CD300E: variants seen among roughly 807,000 people sequenced by gnomAD.
The protein encoded by CD300E is CMRF35-like molecule 2.
In CD300E, 14 loss-of-function variants were observed where a neutral mutation model predicts 20.9. The ratio of observed to expected loss-of-function variants is 0.67; its 90% confidence interval spans 0.44 to 1.05. The LOEUF (loss-of-function observed/expected upper bound fraction) is 1.05, where lower values mean the gene tolerates loss of function less well. Among genes scored for constraint, CD300E ranks in the 50% least tolerant of loss-of-function variants. CD300E has a pLI of 0.00. For synonymous variants in CD300E, 102 were observed against 103.7 expected, an observed-to-expected ratio of 0.98 and a Z score of 0.10; for missense variants, 237 against 253.9, an observed-to-expected ratio of 0.93 and a Z score of 0.45.
chr17:74,617,881 T>A (rs1377201444), intron 1 of CD300E, among the ~76,000 whole-genome samples: 3 of 152,240 alleles, frequency 2.0e-5, no homozygotes, highest in Non-Finnish European at 4.4e-5. Context: ...TGCGGTTTCC[T>A]CCACTTTCAG....
chr17:74,614,408 G>A (rs1665863), intron 2 of CD300E, among the ~76,000 whole-genome samples: 1 of 152,020 alleles, frequency 6.6e-6, no homozygotes, highest in South Asian at 2.1e-4. Flanking sequence ...AGATGGCTCA[G>A]CCTGTGGCCC....
chr17:74,620,568 G>T (rs2030998895), intron 1 of CD300E, among the ~76,000 whole-genome samples: 1 of 152,134 alleles, frequency 6.6e-6, no homozygotes, highest in Non-Finnish European at 1.5e-5. Flanking sequence ...ACTTGAACCT[G>T]GGAGGCAGAG....
At chr17:74,616,374 G>C (rs1045373745) in intron 2 of CD300E, among the ~76,000 whole-genome samples, 2 of 152,194 alleles carry the variant, frequency 1.3e-5, no homozygotes, top group African/African-American at 4.8e-5. Context: ...TCTGAAGAGA[G>C]TAGAAAATAA....
At chr17:74,617,873 C>T (rs1389502829) in intron 1 of CD300E, among the ~76,000 whole-genome samples, 3 of 152,212 alleles carry the variant, frequency 2.0e-5, no homozygotes, top group African/African-American at 7.2e-5. Flanking sequence ...GCACAACTTG[C>T]GGTTTCCTCC....
rs1339934746 is a variant in CD300E at position 74,612,224 on chromosome 17, GCTCTCTCTCTCTCTCTCTCTCTGT to G, written c.*405_*428del. 1.1e-5 allele frequency: 1 copy of G among 94,970 alleles called. No individual in the cohort carries two copies. The highest frequency in any genetic ancestry group is 6.1e-5 in the African/African-American group (1 of 16,268). 5.9% of individuals were successfully genotyped at this position (94,970 alleles called of 1,614,324 possible). ...TTTTCTCTCTCTCTCTCTCTCTCTCGCTCTCTCTCTCTCTCTCTCTCTGTCTCTCTCTCTCTCTCTCTCTCTCTC... is the reference window on the plus strand; with the variant it reads ...TTTTCTCTCTCTCTCTCTCTCTCTCGCTCTCTCTCTCTCTCTCTCTCTCTC... On this transcript the variant is annotated 3_prime_UTR_variant, in exon 4 of 4. Transcript: ENST00000392619.
At chr17:74,612,816 C>T in intron 3 of CD300E, 43 bp from the exon 4 acceptor site, 1 of 1,606,502 alleles carries the variant, frequency 6.2e-7, no homozygotes, top group Non-Finnish European at 8.5e-7. Context: ...CCCGGGAGAA[C>T]CCCCAGGACC....
Position 74,620,729 on chromosome 17 carries a change from G to A in CD300E, c.40+2853C>T, listed in dbSNP as rs149799541. 1.9e-4 allele frequency among the ~76,000 whole-genome samples: 29 copies of A among 152,270 alleles called. No homozygotes were observed. The East Asian group carries it at 5.4e-3, about 28-fold the overall frequency. ...AAGAGTACTATCTAAAGCCCAGTAA[G>A]CAAAGCCACCTCCAAAATGGAGGTA... On this transcript the variant is annotated intron_variant, in intron 1 of 3. Coordinates refer to ENST00000392619, the MANE Select transcript of CD300E (RefSeq NM_181449.3).
chr17:74,613,281 G>A lies in CD300E; in HGVS notation c.498-508C>T, dbSNP rs188237738. ...CCACACCTGGCTAATTTTGTATTTCGTAGTAGAGACAGGGTTTCACCATGT... is the reference window on the plus strand; with the variant it reads ...CCACACCTGGCTAATTTTGTATTTCATAGTAGAGACAGGGTTTCACCATGT... On this transcript the variant is annotated intron_variant, in intron 3 of 3. Coordinates refer to ENST00000392619, the MANE Select transcript of CD300E (RefSeq NM_181449.3). 6.4e-3 allele frequency among the ~76,000 whole-genome samples: 968 copies of A among 152,130 alleles called. 1 individual carries two copies. Among genetic ancestry groups the A allele is most frequent in the Admixed American group, 9.2e-3 (141 of 15,284 alleles).
At chr17:74,618,472 G>A (rs8081669) in intron 1 of CD300E, among the ~76,000 whole-genome samples, 62,475 of 151,930 alleles carry the variant, frequency 0.41, 12,952 homozygotes, top group Non-Finnish European at 0.44. Flanking sequence ...AGCTTAAGCC[G>A]TTAGAATGAG....
intron 2 of CD300E, among the ~76,000 whole-genome samples, chr17:74,615,447 A>T (rs1177367145): frequency 6.6e-6 from 1 of 150,438 alleles, no homozygotes; most frequent in African/African-American, 2.5e-5. Flanking sequence ...ATTGCATGAA[A>T]GTTTGCAAGT....
intron 1 of CD300E, among the ~76,000 whole-genome samples, chr17:74,618,458 C>T (rs542717946): frequency 1.0e-3 from 155 of 152,206 alleles, no homozygotes; most frequent in South Asian, 2.1e-3. Flanking sequence ...GCAGGGGCCA[C>T]GGAAGCTTAA....
intron 1 of CD300E, among the ~76,000 whole-genome samples, chr17:74,622,039 A>G (rs1338340154): frequency 6.6e-6 from 1 of 152,018 alleles, no homozygotes; most frequent in East Asian, 2.0e-4. Context: ...CCTGGGCTGA[A>G]GCATTCCTCC....
chr17:74,612,601 C>A lies in CD300E; in HGVS notation c.*52G>T. 3.1e-6 allele frequency: 5 copies of A among 1,602,088 alleles called. No individual in the cohort carries two copies. Among genetic ancestry groups the A allele is most frequent in the Non-Finnish European group, 2.6e-6 (3 of 1,176,028 alleles). ...TCCAGTCTGAAAGGTTGACTCCCTGCACGGGGCACTCCTGGGGATGGGGCT... is the reference window on the plus strand; with the variant it reads ...TCCAGTCTGAAAGGTTGACTCCCTGAACGGGGCACTCCTGGGGATGGGGCT... On this transcript the variant is annotated 3_prime_UTR_variant, in exon 4 of 4. Transcript: ENST00000392619.
intron 1 of CD300E, chr17:74,619,328 C>A (rs1771092900): frequency 3.9e-5 from 13 of 332,074 alleles, no homozygotes; most frequent in South Asian, 3.1e-4. Flanking sequence ...CTGCTAGGAT[C>A]AGAGCCAGTC....
intron 1 of CD300E, chr17:74,619,294 G>A (rs2030970457): frequency 5.4e-6 from 2 of 371,888 alleles, no homozygotes; most frequent in Non-Finnish European, 1.1e-5. Context: ...GATCCTTGCT[G>A]GAGAGCTTGG....
chr17:74,617,273 A>G lies in CD300E; in HGVS notation c.233T>C (p.Ile78Thr). The change falls in exon 2 of 4, where the codon ATC (isoleucine) becomes ACC (threonine). Residue 78 changes from isoleucine (I) to threonine (T), a missense_variant. Ile to Thr is a moderately conservative substitution (Grantham distance 89, BLOSUM62 -1). Coordinates refer to ENST00000392619, the MANE Select transcript of CD300E (RefSeq NM_181449.3). Reference protein sequence around the residue: ...EKVERNGRVSIRDHPEALAFT... With the variant: ...EKVERNGRVSTRDHPEALAFT... ...GGCGAGAGCCTCCGGGTGGTCTCTGATGGACACGCGGCCATTCCTCTCCAC... is the reference window on the plus strand; with the variant it reads ...GGCGAGAGCCTCCGGGTGGTCTCTGGTGGACACGCGGCCATTCCTCTCCAC... 1.2e-6 allele frequency: 2 copies of G among 1,614,192 alleles called. No individual in the cohort carries two copies. Among genetic ancestry groups the G allele is most frequent in the Non-Finnish European group, 1.7e-6 (2 of 1,180,042 alleles).
In CD300E at chr17:74,612,474, A is replaced by G; in HGVS notation, c.*179T>C. 1 of 711,752 alleles carries G rather than the reference A, an allele frequency of 1.4e-6. No homozygotes were observed. Among genetic ancestry groups the G allele is most frequent in the Non-Finnish European group, 2.2e-6 (1 of 453,332 alleles). 44.1% of individuals were successfully genotyped at this position (711,752 alleles called of 1,614,324 possible). A position where few individuals can be genotyped will look rare whatever the true frequency, so the allele number is the denominator to read the frequency against. On this transcript the variant is annotated 3_prime_UTR_variant, in exon 4 of 4. Transcript: ENST00000392619. ...TGGGGAGGAGAAAGGAGGACCCCCA[A>G]GCTGCACATTGAGGACTCCAGAGGA...
At chr17:74,620,754 A>G (rs1426995593) in intron 1 of CD300E, among the ~76,000 whole-genome samples, 1 of 152,256 alleles carries the variant, frequency 6.6e-6, no homozygotes, top group Non-Finnish European at 1.5e-5. Flanking sequence ...AAATGGAGGT[A>G]AAGCAAGGCA....
chr17:74,614,415 G>A (rs977776302), intron 2 of CD300E, among the ~76,000 whole-genome samples: 1 of 151,872 alleles, frequency 6.6e-6, no homozygotes, highest in African/African-American at 2.4e-5. Context: ...TCAGCCTGTG[G>A]CCCAAGAAGC....
Sources: gnomAD v4.1 joint callset for allele counts (sites outside exome capture counted in the v4.1 genomes callset) on GRCh38, gnomAD v4.1.1 for gene constraint, MANE v1.5 for transcripts, NCBI Gene and HGNC (gene_info 2026-07-23, HGNC 2026-07-21) for gene names.